Variants in ANK3 observed in about 807,000 individuals in gnomAD.
The protein encoded by ANK3 is ankyrin 3.
In ANK3, 57 loss-of-function variants were observed where a neutral mutation model predicts 370.9. The observed-to-expected ratio is 0.15, with a 90% CI of 0.12 to 0.19. ANK3 has a LOEUF of 0.19. Ranked by LOEUF, ANK3 falls within the 10% of genes least tolerant of loss-of-function variation. The pLI is 1.00. For synonymous variants in ANK3, 1,929 were observed against 1,946.3 expected (o/e 0.99, Z 0.23); for missense variants, 4,439 against 5,302.1 (o/e 0.84, Z 5.06).
chr10:60,334,103 T>C (rs2052171136), intron 1 of ANK3, among the ~76,000 whole-genome samples: 2 of 152,162 alleles, frequency 1.3e-5, no homozygotes, highest in Non-Finnish European at 2.9e-5. Context: ...GGCAATTGGG[T>C]AATCTCTATT....
intron 1 of ANK3, among the ~76,000 whole-genome samples, chr10:60,622,488 C>G (rs553309860): frequency 5.4e-4 from 82 of 152,090 alleles, no homozygotes; most frequent in African/African-American, 1.9e-3. Flanking sequence ...TGATTCACCT[C>G]CCTCAGCCTC....
In ANK3 at chr10:60,611,433, G is replaced by A. The variant is rs1163314064; in HGVS notation, c.96+3753C>T. Among the ~76,000 whole-genome samples the A allele has an allele frequency of 5.9e-5, 9 of 152,238 alleles. No individual in the cohort carries two copies. In the East Asian group the frequency reaches 1.5e-3, roughly 26 times the overall value. ...ACATACAGACCTGCAGGGCAGCCTC[G>A]CACTGGAATAGTGGTAGCCCTGACT... On this transcript the variant is annotated intron_variant, in intron 2 of 43. Transcript: ENST00000373827.
At chr10:60,061,546 TC>T (rs2080466606) in intron 40 of ANK3, among the ~76,000 whole-genome samples, 1 of 152,166 alleles carries the variant, frequency 6.6e-6, no homozygotes, top group Non-Finnish European at 1.5e-5. Context: ...GATAAGATGA[TC>T]TATATTTATC....
intron 18 of ANK3, among the ~76,000 whole-genome samples, chr10:60,180,615 C>A (rs868549729): frequency 4.3e-3 from 456 of 105,616 alleles, no homozygotes; most frequent in African/African-American, 6.3e-3. Flanking sequence ...AAAAAAAAAC[C>A]AAAAAAAAAA....
intron 23 of ANK3, chr10:60,145,929 G>C: frequency 2.8e-6 from 2 of 717,732 alleles, no homozygotes; most frequent in Non-Finnish European, 5.0e-6. Context: ...TTTCAAAATG[G>C]GAACTATATT....
At chr10:60,405,483 G>C (rs1292101343) in intron 2 of ANK3, among the ~76,000 whole-genome samples, 1 of 152,162 alleles carries the variant, frequency 6.6e-6, no homozygotes, top group Non-Finnish European at 1.5e-5. Flanking sequence ...GGTTGCTTCT[G>C]GGAGTGGAGT....
At chr10:60,635,758 T>C (rs77523242) in intron 1 of ANK3, among the ~76,000 whole-genome samples, 5,094 of 151,638 alleles carry the variant, frequency 0.034, 138 homozygotes, top group Non-Finnish European at 0.053. Flanking sequence ...ATCAGATTAA[T>C]AGTGCTTTAA....
intron 1 of ANK3, among the ~76,000 whole-genome samples, chr10:60,715,016 C>G (rs10761550): frequency 0.32 from 48,917 of 151,956 alleles, 7,961 homozygotes; most frequent in African/African-American, 0.34. Flanking sequence ...TATTCTTCAT[C>G]AATTCTAACA....
chr10:60,412,025 A>G (rs1191256473), intron 2 of ANK3, among the ~76,000 whole-genome samples: 1 of 152,164 alleles, frequency 6.6e-6, no homozygotes, highest in Non-Finnish European at 1.5e-5. Flanking sequence ...AAGAAATAAG[A>G]AAGTAAAGAG....
chr10:60,076,783 T>G (rs966194911), intron 36 of ANK3, among the ~76,000 whole-genome samples: 1 of 152,146 alleles, frequency 6.6e-6, no homozygotes, highest in Non-Finnish European at 1.5e-5. Flanking sequence ...ATAACCATAA[T>G]GGAAAACTGT....
chr10:60,512,543 AATT>A (rs1471845746), intron 2 of ANK3, among the ~76,000 whole-genome samples: 4 of 152,116 alleles, frequency 2.6e-5, no homozygotes, highest in Non-Finnish European at 4.4e-5. Context: ...AAGCAAAATC[AATT>A]ATTCACTGCA....
At chr10:60,614,493 C>G (rs948744586) in intron 2 of ANK3, among the ~76,000 whole-genome samples, 2 of 152,096 alleles carry the variant, frequency 1.3e-5, no homozygotes, top group Non-Finnish European at 2.9e-5. Context: ...TTACCTGACC[C>G]TGCTGGTTGA....
intron 8 of ANK3, among the ~76,000 whole-genome samples, chr10:60,217,980 T>C (rs1411351662): frequency 6.6e-6 from 1 of 152,214 alleles, no homozygotes; most frequent in Non-Finnish European, 1.5e-5. Flanking sequence ...GCTCTTCTTG[T>C]TGAATTGCTC....
intron 18 of ANK3, among the ~76,000 whole-genome samples, chr10:60,178,767 T>C (rs1225985423): frequency 1.3e-5 from 2 of 152,222 alleles, no homozygotes; most frequent in Non-Finnish European, 1.5e-5. Context: ...TAAGAATCAA[T>C]GCCTTTCAGG....
intron 42 of ANK3, chr10:60,044,266 T>A: frequency 2.0e-6 from 2 of 985,164 alleles, no homozygotes; most frequent in Non-Finnish European, 2.4e-6. Flanking sequence ...GATGATTACT[T>A]TTCTGGTGAT....
At chr10:60,052,836 T>TA (rs61646753) in intron 42 of ANK3, among the ~76,000 whole-genome samples, 23,910 of 148,866 alleles carry the variant, frequency 0.16, 2,474 homozygotes, top group East Asian at 0.59. Context: ...AGTATTTGTT[T>TA]AAAAAAAAAA....
Position 60,565,918 on chromosome 10 carries a change from T to C in ANK3, c.96+49268A>G, listed in dbSNP as rs1595291048. On this transcript the variant is annotated intron_variant, in intron 2 of 43. Transcript: ENST00000373827. ...TAACATACCAGCACGATTCATTTTA[T>C]TGTGCTTTGCAGATATTGCATTTTT... 3.3e-5 allele frequency among the ~76,000 whole-genome samples: 5 copies of C among 152,366 alleles called. 1 individual carries two copies. Among genetic ancestry groups the C allele is most frequent in the Admixed American group, 2.6e-4 (4 of 15,304 alleles).
chr10:60,680,462 A>G (rs1415238037), intron 1 of ANK3, among the ~76,000 whole-genome samples: 1 of 152,130 alleles, frequency 6.6e-6, no homozygotes, highest in African/African-American at 2.4e-5. Context: ...TATCTAGTCC[A>G]TGCTCTCCTG....
At chr10:60,119,842 T>G (rs1455695391) in intron 25 of ANK3, among the ~76,000 whole-genome samples, 4 of 152,048 alleles carry the variant, frequency 2.6e-5, no homozygotes. Flanking sequence ...ATTGGGGGAA[T>G]CAATAGTGTT....
Sources: allele counts gnomAD v4.1 joint callset (sites outside exome capture counted in the v4.1 genomes callset), GRCh38; gene constraint gnomAD v4.1.1; transcripts MANE v1.5; gene names NCBI Gene and HGNC (gene_info 2026-07-23, HGNC 2026-07-21).